The following DDX20 variants were observed in gnomAD, a reference collection of about 807,000 sequenced individuals.
The protein encoded by DDX20 is probable ATP-dependent RNA helicase DDX20.
DDX20 carries 61 observed loss-of-function variants against 76.4 expected under a neutral mutation model. That is an observed-to-expected ratio of 0.80 (90% CI 0.65 to 0.99). The LOEUF (loss-of-function observed/expected upper bound fraction) is 0.99, where lower values mean the gene tolerates loss of function less well. DDX20 is among the 50% of genes least tolerant of loss of function. The pLI, the probability that DDX20 is intolerant of heterozygous loss-of-function variation, is 0.00. For synonymous variants in DDX20, 357 were observed against 357.4 expected (o/e 1.00, Z 0.01); for missense variants, 976 against 996.8 (o/e 0.98, Z 0.28).
chr1:111,763,960 A>G (rs916746859), intron 10 of DDX20, among the ~76,000 whole-genome samples: 2 of 152,220 alleles, frequency 1.3e-5, no homozygotes, highest in African/African-American at 4.8e-5. Context: ...TGCACTATAA[A>G]TAGTGTCTAT....
intron 2 of DDX20, among the ~76,000 whole-genome samples, chr1:111,758,594 A>G (rs1663611956): frequency 6.6e-6 from 1 of 151,442 alleles, no homozygotes; most frequent in South Asian, 2.1e-4. Context: ...TGGCCTTTCC[A>G]TTTGCTGTTT....
intron 10 of DDX20, among the ~76,000 whole-genome samples, chr1:111,764,111 C>G (rs1571612211): frequency 1.3e-5 from 2 of 151,890 alleles, no homozygotes; most frequent in East Asian, 3.9e-4. Context: ...AACCCTGTCT[C>G]TACTAAAAAA....
At position 111,766,457 on chromosome 1, in the gene DDX20, C is replaced by CT. The variant is rs1483167137; in HGVS notation, c.2034dup (p.Asp679Ter). The CT allele has an allele frequency of 6.2e-7, 1 of 1,614,146 alleles. No individual in the cohort carries two copies. The highest frequency in any genetic ancestry group is 8.5e-7 in the Non-Finnish European group (1 of 1,180,010). ...AATAAGTCATACTTGGAAGGCTCTT[C>CT]TGATAATCAGCTGAAAGACTCTGAA... On this transcript the variant is annotated frameshift_variant, in exon 11 of 11. Coordinates refer to ENST00000369702, the MANE Select transcript of DDX20 (RefSeq NM_007204.5). LOFTEE classifies it high-confidence loss of function.
rs1163803191 is a variant in DDX20, at chr1:111,767,795, C to G, written c.*896C>G. ...ACAAGTGACCTGCTCTGCTGGTAGG[C>G]TAGGGGAAGTTCTAGCTCTTAGTTT... On this transcript the variant is annotated 3_prime_UTR_variant, in exon 11 of 11. Transcript: ENST00000369702. The G allele has an allele frequency of 6.6e-6, 1 of 152,138 alleles. No individual in the cohort carries two copies. The allele number at this position is 152,138 out of a possible 1,614,324, so 9.4% of individuals were successfully genotyped here. A position where few individuals can be genotyped will look rare whatever the true frequency, so the allele number is the denominator to read the frequency against.
chr1:111,756,379 A>G (rs889374359), intron 1 of DDX20, among the ~76,000 whole-genome samples, 154 bp downstream of exon 1: 17 of 152,184 alleles, frequency 1.1e-4, no homozygotes, highest in Non-Finnish European at 1.6e-4. Flanking sequence ...CGCTCAGTTA[A>G]CTTATTTGTA....
rs1423213482 is a variant in DDX20 at position 111,759,467 on chromosome 1, T to G, written c.464T>G (p.Ile155Arg). The change falls in exon 3 of 11, where the codon ATA (isoleucine) becomes AGA (arginine). Residue 155 changes from isoleucine to arginine, a missense_variant. Ile to Arg is a moderately conservative substitution (Grantham distance 97). Transcript: ENST00000369702. ...CATTCTGTTATTACAGCCATTGGAA[T>G]AAAAATGGAAGGCTTAGAGTGTCAT... ...QIHSVITAIG[I>R]KMEGLECHVF... 1.2e-6 allele frequency: 2 copies of G among 1,613,736 alleles called. No homozygotes were observed. The highest frequency in any genetic ancestry group is 2.7e-5 in the African/African-American group (2 of 74,896).
chr1:111,762,329 A>T lies in DDX20; in HGVS notation c.1096A>T (p.Thr366Ser), dbSNP rs1447251657. The change falls in exon 8 of 11, where the codon ACA becomes TCA. Residue 366 changes from threonine (T) to serine (S), a missense_variant. Thr to Ser is a moderately conservative substitution (Grantham distance 58). Transcript: ENST00000369702. The part of the protein sequence containing the change: ...KHFHCRVLIS[T>S]DLTSRGIDAE... ...CTTTCATTGCAGAGTCCTCATTTCC[A>T]CAGATTTGGTAAATTTCCTATTCAG... 1 of 1,613,018 alleles carries T rather than the reference A, an allele frequency of 6.2e-7. No homozygotes were observed. Among genetic ancestry groups the T allele is most frequent in the East Asian group, 2.2e-5 (1 of 44,798 alleles).
At chr1:111,759,595 C>A (rs1340843772) in intron 3 of DDX20, 27 bp downstream of exon 3, 1 of 1,593,142 alleles carries the variant, frequency 6.3e-7, no homozygotes, top group Admixed American at 1.8e-5. Flanking sequence ...TGTTGGTAAC[C>A]AGGGCTTTTA....
intron 2 of DDX20, among the ~76,000 whole-genome samples, chr1:111,757,750 C>T (rs1663590305): frequency 6.6e-6 from 1 of 152,230 alleles, no homozygotes; most frequent in African/African-American, 2.4e-5. Flanking sequence ...AATCCTCCTA[C>T]TTCCCAAGAA....
Position 111,767,666 on chromosome 1 carries a change from A to G in DDX20, c.*767A>G, listed in dbSNP as rs995986280. 6.6e-6 allele frequency: 1 copy of G among 152,198 alleles called. No homozygotes were observed. Among genetic ancestry groups the G allele is most frequent in the Non-Finnish European group, 1.5e-5 (1 of 68,026 alleles). The allele number at this position is 152,198 out of a possible 1,614,324, so 9.4% of individuals were successfully genotyped here. A position where few individuals can be genotyped will look rare whatever the true frequency, so the allele number is the denominator to read the frequency against. On this transcript the variant is annotated 3_prime_UTR_variant, in exon 11 of 11. Coordinates refer to ENST00000369702, the MANE Select transcript of DDX20 (RefSeq NM_007204.5). ...TCCTTTTATGAATCAGCTGATAGCTATAGATTGACTTCAGGAAATTTCTCA... is the reference window on the plus strand; with the variant it reads ...TCCTTTTATGAATCAGCTGATAGCTGTAGATTGACTTCAGGAAATTTCTCA...
At chr1:111,761,656 T>C (rs1187192123) in intron 7 of DDX20, 1 of 159,322 alleles carries the variant, frequency 6.3e-6, no homozygotes, top group East Asian at 1.8e-4. Flanking sequence ...TGGAGATTGC[T>C]AACTGAATTG....
At chr1:111,759,653 T>C in intron 3 of DDX20, 85 bp downstream of exon 3, 1 of 1,295,384 alleles carries the variant, frequency 7.7e-7, no homozygotes, top group Non-Finnish European at 1.1e-6. Flanking sequence ...TGGGAGTCTT[T>C]GATAACTGTG....
intron 3 of DDX20, among the ~76,000 whole-genome samples, chr1:111,760,206 A>C (rs55807267): frequency 0.1 from 15,294 of 152,146 alleles, 838 homozygotes; most frequent in Non-Finnish European, 0.12. Flanking sequence ...AATCACTCAG[A>C]ATCAGCATCT....
Position 111,766,257 on chromosome 1 carries a change from AATC to A in DDX20, c.1838_1840del (p.Ile613del). ...AAGAGGGGTTAGAGAAACCTGTGGA[AATC>A]ATCAGGCACTACACAGGCCCTGGGG... On this transcript the variant is annotated inframe_deletion, in exon 11 of 11. Transcript: ENST00000369702. The A allele has an allele frequency of 2.5e-6, 4 of 1,614,168 alleles. No homozygotes were observed. The highest frequency in any genetic ancestry group is 3.4e-6 in the Non-Finnish European group (4 of 1,180,032).
In DDX20 at chr1:111,765,938, C is replaced by G. The variant is rs774790226; in HGVS notation, c.1514C>G (p.Ser505Ter). 1.2e-6 allele frequency: 2 copies of G among 1,613,310 alleles called. No homozygotes were observed. Among genetic ancestry groups the G allele is most frequent in the African/African-American group, 1.3e-5 (1 of 74,768 alleles). ...AGAAATAATTCTGTATCTGGACTATCAGTCAAATCAAAAAATAATACCAAA... is the reference window on the plus strand; with the variant it reads ...AGAAATAATTCTGTATCTGGACTATGAGTCAAATCAAAAAATAATACCAAA... ...SSRNNSVSGL[S>*]VKSKNNTKQK... Residue 505 changes from serine to a stop codon, truncating the protein, a stop_gained, in exon 11 of 11, where the codon TCA becomes TGA. Transcript: ENST00000369702. LOFTEE classifies it high-confidence loss of function.
rs756720523 is a variant in DDX20 at position 111,755,943 on chromosome 1, G to T, written c.19G>T (p.Ala7Ser). 3.5e-5 allele frequency: 56 copies of T among 1,578,346 alleles called. No individual in the cohort carries two copies. Among genetic ancestry groups the T allele is most frequent in the Middle Eastern group, 1.7e-4 (1 of 5,900 alleles). ...GGCTACCATGGCGGCGGCATTTGAA[G>T]CCTCGGGAGCCTTAGCAGCAGTGGC... MAAAFEASGALAAVATA... is the reference protein window; with the variant it reads MAAAFESSGALAAVATA... The change falls in exon 1 of 11, where the codon GCC becomes TCC. Residue 7 changes from alanine (A) to serine (S), a missense_variant. Transcript: ENST00000369702.
At position 111,767,266 on chromosome 1, in the gene DDX20, T is replaced by C. The variant is rs1343863724; in HGVS notation, c.*367T>C. On this transcript the variant is annotated 3_prime_UTR_variant, in exon 11 of 11. Transcript: ENST00000369702. ...AAAGCAATAGATTTGATTAGTAATA[T>C]TATTGCTGTGGAGTTCTTTACAAAG... 5.9e-6 allele frequency: 1 copy of C among 169,816 alleles called. No homozygotes were observed. Among genetic ancestry groups the C allele is most frequent in the African/African-American group, 2.4e-5 (1 of 41,734 alleles). The allele number at this position is 169,816 out of a possible 1,614,324, so 10.5% of individuals were successfully genotyped here. A position where few individuals can be genotyped will look rare whatever the true frequency, so the allele number is the denominator to read the frequency against.
In DDX20 at chr1:111,760,527, C is replaced by T. The variant is rs200556382; in HGVS notation, c.619C>T (p.Leu207Phe). The T allele has an allele frequency of 6.2e-7, 1 of 1,613,028 alleles. No homozygotes were observed. The highest frequency in any genetic ancestry group is 1.7e-4 in the Middle Eastern group (1 of 6,060). The stretch of plus-strand genomic sequence containing the variant: ...CTACTTGAACCCAGGCAGTATACGC[C>T]TCTTTATTCTTGATGAAGCAGATAA... ...LDYLNPGSIR[L>F]FILDEADKLL... Residue 207 changes from leucine (L) to phenylalanine (F), a missense_variant, in exon 4 of 11, where the codon CTC becomes TTC. Leu to Phe is a conservative substitution (Grantham distance 22, BLOSUM62 0). Transcript: ENST00000369702.
intron 10 of DDX20, 145 bp downstream of exon 10, chr1:111,763,152 C>T (rs779513154): frequency 2.1e-5 from 14 of 654,904 alleles, no homozygotes; most frequent in Non-Finnish European, 3.7e-5. Context: ...TACTTCTCAC[C>T]ACACTCCTAT....
Sources: allele counts gnomAD v4.1 joint callset (sites outside exome capture counted in the v4.1 genomes callset), GRCh38; gene constraint gnomAD v4.1.1; transcripts MANE v1.5; gene names NCBI Gene and HGNC (gene_info 2026-07-23, HGNC 2026-07-21).